Variants in TUSC3 observed in about 807,000 individuals in gnomAD.
TUSC3 encodes dolichyl-diphosphooligosaccharide--protein glycosyltransferase subunit TUSC3.
TUSC3 carries 45 observed loss-of-function variants against 44.8 expected under a neutral mutation model. The ratio of observed to expected loss-of-function variants is 1.00; its 90% CI spans 0.79 to 1.29. The LOEUF is 1.29. Among genes scored for constraint, TUSC3 ranks in the 50% most tolerant of loss-of-function variants. The pLI is 0.00. For synonymous variants in TUSC3, 212 were observed against 152.9 expected (o/e 1.39, Z -2.85); for missense variants, 519 against 437.9 (o/e 1.19, Z -1.65).
the TUSC3 span, among the ~76,000 whole-genome samples, chr8:15,785,488 C>G: frequency 5.3e-5 from 8 of 150,062 alleles, no homozygotes; most frequent in African/African-American, 2.0e-4. Flanking sequence ...ACCATTTAAC[C>G]TTTCTTGAAC....
the TUSC3 span, among the ~76,000 whole-genome samples, chr8:15,823,418 C>A: frequency 3.9e-5 from 6 of 152,134 alleles, no homozygotes; most frequent in African/African-American, 7.2e-5. Context: ...TATGACTTTA[C>A]ATTAAGATAA....
chr8:15,445,455 G>C (rs1421084606), intron 1 of TUSC3, among the ~76,000 whole-genome samples: 4 of 152,142 alleles, frequency 2.6e-5, no homozygotes, highest in Admixed American at 2.0e-4. Context: ...CTAGGCAGAG[G>C]ACCCTGCGGC....
chr8:15,742,317 A>G (rs898215397), intron 7 of TUSC3, among the ~76,000 whole-genome samples: 11 of 148,694 alleles, frequency 7.4e-5, no homozygotes, highest in Admixed American at 1.4e-4. Flanking sequence ...TCCAAAGCTA[A>G]AACAAATACA....
intron 1 of TUSC3, among the ~76,000 whole-genome samples, chr8:15,440,727 A>T (rs1233326591): frequency 6.6e-6 from 1 of 152,220 alleles, no homozygotes; most frequent in Non-Finnish European, 1.5e-5. Flanking sequence ...CTTCTCTAGA[A>T]TAGACACTAT....
At chr8:15,831,508 G>C in the TUSC3 span, among the ~76,000 whole-genome samples, 1 of 152,086 alleles carries the variant, frequency 6.6e-6, no homozygotes, top group Non-Finnish European at 1.5e-5. Context: ...AGATCGTTGA[G>C]ATGCAGGAGT....
chr8:15,477,870 T>G (rs930293747), intron 1 of TUSC3, among the ~76,000 whole-genome samples: 3 of 152,158 alleles, frequency 2.0e-5, no homozygotes, highest in African/African-American at 4.8e-5. Context: ...CTTTCCTCTT[T>G]CTTGACTATT....
chr8:15,744,391 A>G (rs1408537080), intron 8 of TUSC3, among the ~76,000 whole-genome samples: 2 of 152,268 alleles, frequency 1.3e-5, no homozygotes, highest in Non-Finnish European at 2.9e-5. Flanking sequence ...AGTTAATATC[A>G]AGTCCCTATA....
At chr8:15,427,076 T>TTTTTTTTTTTTTTTTTTTTTC (rs1156977320) in intron 1 of TUSC3, among the ~76,000 whole-genome samples, 1 of 114,492 alleles carries the variant, frequency 8.7e-6, no homozygotes, top group African/African-American at 3.4e-5. Context: ...TTGTTTGGTG[T>TTTTTTTTTTTTTTTTTTTTTC]TTGTTTTTTT....
chr8:15,847,975 A>G, the TUSC3 span, among the ~76,000 whole-genome samples: 1 of 152,212 alleles, frequency 6.6e-6, no homozygotes, highest in Non-Finnish European at 1.5e-5. Context: ...ATAAATCACC[A>G]ATCAGTAGGC....
intron 2 of TUSC3, among the ~76,000 whole-genome samples, chr8:15,506,840 C>G (rs1344074814): frequency 6.6e-6 from 1 of 152,126 alleles, no homozygotes; most frequent in East Asian, 1.9e-4. Context: ...AAGGGCCCTG[C>G]CCCTTACCCG....
At chr8:15,575,522 T>C (rs751347473) in intron 1 of TUSC3, among the ~76,000 whole-genome samples, 1 of 152,148 alleles carries the variant, frequency 6.6e-6, no homozygotes, top group Non-Finnish European at 1.5e-5. Context: ...TCCCAGCACA[T>C]TGGGAGGCCG....
intron 9 of TUSC3, among the ~76,000 whole-genome samples, chr8:15,756,977 A>G (rs897404761): frequency 6.6e-6 from 1 of 152,142 alleles, no homozygotes; most frequent in Non-Finnish European, 1.5e-5. Context: ...TCTACAAAAA[A>G]TTTAAAAAAT....
At chr8:15,461,071 G>A (rs1800338079) in intron 1 of TUSC3, among the ~76,000 whole-genome samples, 1 of 152,064 alleles carries the variant, frequency 6.6e-6, no homozygotes, top group Admixed American at 6.5e-5. Flanking sequence ...GAAGAATGAT[G>A]GTGGTATTTT....
intron 1 of TUSC3, chr8:15,417,450 A>G (rs1799674140): frequency 6.6e-6 from 1 of 152,252 alleles, no homozygotes; most frequent in Non-Finnish European, 1.5e-5. Flanking sequence ...CTGATGATTC[A>G]TGGACTAAAT....
At chr8:15,734,033 A>T (rs569394553) in intron 7 of TUSC3, among the ~76,000 whole-genome samples, 3 of 152,226 alleles carry the variant, frequency 2.0e-5, no homozygotes, top group Admixed American at 2.0e-4. Flanking sequence ...ATAGAGTGAG[A>T]CCCCGTCTCC....
intron 1 of TUSC3, among the ~76,000 whole-genome samples, chr8:15,603,310 G>C (rs1050492248): frequency 1.3e-5 from 2 of 151,676 alleles, no homozygotes; most frequent in African/African-American, 4.8e-5. Flanking sequence ...GGAATATTGA[G>C]ATGCTATTTG....
intron 1 of TUSC3, among the ~76,000 whole-genome samples, chr8:15,587,054 C>T (rs760737184): frequency 6.6e-5 from 10 of 152,114 alleles, no homozygotes; most frequent in African/African-American, 9.7e-5. Context: ...TTACTCCCTT[C>T]GACATGCCTA....
chr8:15,463,185 G>T (rs1160744103), intron 1 of TUSC3, among the ~76,000 whole-genome samples: 1 of 152,020 alleles, frequency 6.6e-6, no homozygotes, highest in Non-Finnish European at 1.5e-5. Flanking sequence ...AGTAATTGCA[G>T]AGTAAAATTT....
chr8:15,809,487 A>G, the TUSC3 span, among the ~76,000 whole-genome samples: 1 of 150,260 alleles, frequency 6.7e-6, no homozygotes, highest in African/African-American at 2.5e-5. Flanking sequence ...GATACATTCC[A>G]AGACCCCCCC....
Sources: gnomAD v4.1 joint callset for allele counts (sites outside exome capture counted in the v4.1 genomes callset) on GRCh38, gnomAD v4.1.1 for gene constraint, MANE v1.5 for transcripts, NCBI Gene and HGNC (gene_info 2026-07-23, HGNC 2026-07-21) for gene names.